The following PTPRK variants were observed in gnomAD, a reference collection of about 807,000 sequenced individuals.
PTPRK encodes receptor-type tyrosine-protein phosphatase kappa.
PTPRK carries 75 observed loss-of-function variants against 178.0 expected under a neutral mutation model. That is an observed-to-expected ratio of 0.42 (90% CI 0.35 to 0.51). PTPRK has a LOEUF of 0.51. Among genes scored for constraint, PTPRK ranks in the 20% least tolerant of loss-of-function variants. The pLI is 0.02. For synonymous variants in PTPRK, 637 were observed against 620.6 expected (o/e 1.03, Z -0.39); for missense variants, 1,441 against 1,797.8 (o/e 0.80, Z 3.59).
intron 7 of PTPRK, among the ~76,000 whole-genome samples, chr6:128,174,531 A>C (rs1006095055): frequency 6.6e-5 from 10 of 151,930 alleles, no homozygotes; most frequent in African/African-American, 2.4e-4. Context: ...CTTTGTTTAA[A>C]ATATACTTGT....
At chr6:128,158,588 A>G (rs1798268122) in intron 7 of PTPRK, among the ~76,000 whole-genome samples, 1 of 151,908 alleles carries the variant, frequency 6.6e-6, no homozygotes, top group Non-Finnish European at 1.5e-5. Context: ...CACAATACAC[A>G]GACACTTCAA....
chr6:128,514,825 T>C (rs1857713879), intron 1 of PTPRK, among the ~76,000 whole-genome samples: 1 of 152,078 alleles, frequency 6.6e-6, no homozygotes, highest in Admixed American at 6.5e-5. Flanking sequence ...ACCTCAACAA[T>C]CTAAAAAAAA....
At chr6:128,410,701 A>C (rs1842208626) in intron 1 of PTPRK, among the ~76,000 whole-genome samples, 1 of 152,198 alleles carries the variant, frequency 6.6e-6, no homozygotes, top group Admixed American at 6.5e-5. Flanking sequence ...CATTAACTGC[A>C]TCTCCAAGGG....
rs1823663180 is a variant in PTPRK at position 128,293,042 on chromosome 6, C to T, written c.495+28997G>A. On this transcript the variant is annotated intron_variant, in intron 3 of 29. Coordinates refer to ENST00000368226, the MANE Select transcript of PTPRK (RefSeq NM_002844.4). ...TGTGACCCTGGTTAAGAAAGTTTCA[C>T]CCAGGCTTTTAGTTTTTTTCTTTAT... is the stretch of plus-strand genomic sequence containing the variant. Among the ~76,000 whole-genome samples, 3 of 151,750 alleles carry T rather than the reference C, an allele frequency of 2.0e-5. No homozygotes were observed. In the South Asian group the frequency reaches 6.3e-4, roughly 32 times the overall value.
At chr6:127,988,244 T>C (rs1776195954) in intron 21 of PTPRK, among the ~76,000 whole-genome samples, 1 of 128,192 alleles carries the variant, frequency 7.8e-6, no homozygotes. Context: ...AAAGAGGGAA[T>C]GAGAGCTCCA....
chr6:128,163,264 G>A (rs1175795935), intron 7 of PTPRK, among the ~76,000 whole-genome samples: 1 of 151,012 alleles, frequency 6.6e-6, no homozygotes, highest in African/African-American at 2.4e-5. Flanking sequence ...AATAATGGAG[G>A]TGAATCCTTA....
chr6:128,275,795 A>G (rs1820634199), intron 3 of PTPRK, among the ~76,000 whole-genome samples: 1 of 152,064 alleles, frequency 6.6e-6, no homozygotes, highest in African/African-American at 2.4e-5. Context: ...GGTCCCTTTC[A>G]GTATTAATAT....
chr6:128,019,403 A>G (rs1375549112), intron 13 of PTPRK, among the ~76,000 whole-genome samples: 1 of 152,166 alleles, frequency 6.6e-6, no homozygotes, highest in Non-Finnish European at 1.5e-5. Context: ...AAAAGAAAGG[A>G]AAAGCTGGGG....
chr6:128,504,413 A>G (rs1343605631), intron 1 of PTPRK, among the ~76,000 whole-genome samples: 1 of 152,210 alleles, frequency 6.6e-6, no homozygotes, highest in Non-Finnish European at 1.5e-5. Flanking sequence ...TGGTGTGCCA[A>G]ATTGTGAACA....
At chr6:128,222,835 GA>G (rs1450837349) in intron 5 of PTPRK, among the ~76,000 whole-genome samples, 1 of 152,086 alleles carries the variant, frequency 6.6e-6, no homozygotes, top group African/African-American at 2.4e-5. Context: ...TTGTTCTTAT[GA>G]AAAATGTCTG....
intron 2 of PTPRK, among the ~76,000 whole-genome samples, chr6:128,325,160 A>G (rs17353545): frequency 0.083 from 12,591 of 152,216 alleles, 601 homozygotes; most frequent in African/African-American, 0.13. Flanking sequence ...CTCTTGATCA[A>G]TAGAGTTCTC....
At chr6:128,059,276 G>A (rs1780426545) in intron 13 of PTPRK, among the ~76,000 whole-genome samples, 1 of 152,048 alleles carries the variant, frequency 6.6e-6, no homozygotes, top group African/African-American at 2.4e-5. Flanking sequence ...TGAACATGGT[G>A]TGCCATCCCA....
At chr6:128,319,259 C>G (rs910257209) in intron 3 of PTPRK, among the ~76,000 whole-genome samples, 5 of 152,292 alleles carry the variant, frequency 3.3e-5, no homozygotes, top group South Asian at 4.1e-4. Flanking sequence ...ATATTTACCT[C>G]TCTTATGTCA....
intron 3 of PTPRK, chr6:128,321,672 A>G: frequency 1.6e-6 from 1 of 627,378 alleles, no homozygotes; most frequent in East Asian, 2.7e-5. Context: ...AAACTCAAAA[A>G]GGCTATTTCT....
At chr6:128,423,626 A>C (rs974356710) in intron 1 of PTPRK, among the ~76,000 whole-genome samples, 1 of 151,856 alleles carries the variant, frequency 6.6e-6, no homozygotes. Flanking sequence ...TCAGGAGTTC[A>C]AGACCAACCT....
At chr6:128,268,073 CAG>C (rs1319894932) in intron 3 of PTPRK, among the ~76,000 whole-genome samples, 1 of 151,910 alleles carries the variant, frequency 6.6e-6, no homozygotes, top group Non-Finnish European at 1.5e-5. Flanking sequence ...CCCAGACTAA[CAG>C]AATAGGGAGG....
chr6:128,152,209 G>T (rs927657670), intron 7 of PTPRK, among the ~76,000 whole-genome samples: 4 of 152,064 alleles, frequency 2.6e-5, no homozygotes, highest in African/African-American at 9.7e-5. Context: ...TCAAAGGGAA[G>T]ATTTGTAGCT....
intron 14 of PTPRK, chr6:128,008,027 A>G: frequency 7.5e-7 from 1 of 1,325,724 alleles, no homozygotes; most frequent in Non-Finnish European, 1.0e-6. Context: ...AATTTAACAC[A>G]AAACACTATA....
intron 3 of PTPRK, among the ~76,000 whole-genome samples, chr6:128,279,582 C>CT (rs1821354490): frequency 6.6e-6 from 1 of 152,178 alleles, no homozygotes; most frequent in East Asian, 1.9e-4. Flanking sequence ...AAGAGCCGTT[C>CT]TTTTTTCCCT....
Sources: allele counts gnomAD v4.1 joint callset (sites outside exome capture counted in the v4.1 genomes callset), GRCh38; gene constraint gnomAD v4.1.1; transcripts MANE v1.5; gene names NCBI Gene and HGNC (gene_info 2026-07-23, HGNC 2026-07-21).